Variants in MCF2L2 observed in about 807,000 individuals in gnomAD.
The protein encoded by MCF2L2 is probable guanine nucleotide exchange factor MCF2L2.
Under a neutral mutation model 150.2 loss-of-function variants are expected in MCF2L2, and 102 were observed. That is an observed-to-expected ratio of 0.68 (90% confidence interval 0.58 to 0.80). The LOEUF (loss-of-function observed/expected upper bound fraction) is 0.80. MCF2L2 is among the 30% of genes least tolerant of loss of function. The pLI is 0.00. For missense variants in MCF2L2, 1,256 were observed against 1,372.8 expected, an observed-to-expected ratio of 0.91 and a Z score of 1.34; for synonymous variants, 465 against 491.3, an observed-to-expected ratio of 0.95 and a Z score of 0.71.
chr3:183,252,511 TTG>T lies in MCF2L2; in HGVS notation c.1863-21496_1863-21495del, dbSNP rs555051453. Among the ~76,000 whole-genome samples the T allele has an allele frequency of 2.8e-4, 42 of 152,294 alleles. No homozygotes were observed. The South Asian group carries it at 3.5e-3, about 13-fold the overall frequency. On this transcript the variant is annotated intron_variant, in intron 15 of 29. Coordinates refer to ENST00000328913, the MANE Select transcript of MCF2L2 (RefSeq NM_015078.4). Reference sequence around the variant, plus strand: ...GTTTGAATGAACAACAGTTTTCATTTTGTGTGTGTGTTTTTTCTTTTAGAGAT... The same window carrying T: ...GTTTGAATGAACAACAGTTTTCATTTTGTGTGTGTTTTTTCTTTTAGAGAT...
intron 1 of MCF2L2, among the ~76,000 whole-genome samples, chr3:183,415,941 T>G (rs1318836966): frequency 1.3e-5 from 2 of 152,294 alleles, no homozygotes; most frequent in Non-Finnish European, 2.9e-5. Context: ...ATATCTCATA[T>G]TTTTTCATTT....
chr3:183,314,334 C>T (rs9863083), intron 7 of MCF2L2, among the ~76,000 whole-genome samples: 3,533 of 152,156 alleles, frequency 0.023, 136 homozygotes, highest in African/African-American at 0.08. Context: ...AAGTTTGATA[C>T]GATTGTTCCA....
chr3:183,180,178 A>G lies in MCF2L2; in HGVS notation c.3017-19T>C. ...GAGCAGCCTTAGGGAGAGAAAGGGA[A>G]GGATGGGGCCTCTGTGGGGTGGGAG... On this transcript the variant is annotated intron_variant, in intron 27 of 29. Transcript: ENST00000328913. The G allele has an allele frequency of 6.5e-7, 1 of 1,540,798 alleles. No homozygotes were observed. The highest frequency in any genetic ancestry group is 9.0e-7 in the Non-Finnish European group (1 of 1,114,190).
intron 1 of MCF2L2, among the ~76,000 whole-genome samples, chr3:183,423,632 GTTTTTTTTTTT>G (rs34400256): frequency 1.1e-5 from 1 of 92,040 alleles, no homozygotes; most frequent in Non-Finnish European, 2.1e-5. Context: ...AATTTTATTT[GTTTTTTTTTTT>G]TTTTTTTTTT....
intron 3 of MCF2L2, among the ~76,000 whole-genome samples, chr3:183,357,557 T>A (rs1711860931): frequency 6.6e-6 from 1 of 152,174 alleles, no homozygotes; most frequent in Non-Finnish European, 1.5e-5. Flanking sequence ...CCTGACTTCA[T>A]GTAACAACTT....
chr3:183,402,649 TA>T (rs1219234622), intron 1 of MCF2L2, among the ~76,000 whole-genome samples: 1 of 151,370 alleles, frequency 6.6e-6, no homozygotes, highest in Non-Finnish European at 1.5e-5. Flanking sequence ...AAAAGGTTTT[TA>T]AAAAAACAAA....
In MCF2L2 at chr3:183,179,389, C is replaced by G. The variant is rs1446134538; in HGVS notation, c.3336G>C (p.Gln1112His). The change falls in exon 30 of 30, where the codon CAG (glutamine) becomes CAC (histidine). Residue 1112 changes from glutamine (Q) to histidine (H), a missense_variant. By Grantham distance (24) the Gln-to-His change is conservative. Coordinates refer to ENST00000328913, the MANE Select transcript of MCF2L2 (RefSeq NM_015078.4). This position sits in a 1 kb window ranked among gnomAD's most constrained non-coding sequence, Gnocchi z 4.2. ...ARALRPRTSA[Q>H]ES The stretch of plus-strand genomic sequence containing the variant: ...GGCGTCCGCAGGGAGGTCAGCTCTC[C>G]TGGGCGGAGGTCCTCGGGCGCAGCG... 5 of 1,543,026 alleles carry G rather than the reference C, an allele frequency of 3.2e-6. No individual in the cohort carries two copies. The highest frequency in any genetic ancestry group is 4.4e-6 in the Non-Finnish European group (5 of 1,144,392).
At chr3:183,203,141 A>T (rs975403615) in intron 25 of MCF2L2, among the ~76,000 whole-genome samples, 1 of 152,124 alleles carries the variant, frequency 6.6e-6, no homozygotes, top group East Asian at 1.9e-4. Context: ...TGAACCCAGG[A>T]GGCGGAGGTT....
In MCF2L2 at chr3:183,192,982, C is replaced by T. The variant is rs758247321; in HGVS notation, c.3016+17G>A. On this transcript the variant is annotated intron_variant, in intron 27 of 29. Coordinates refer to ENST00000328913, the MANE Select transcript of MCF2L2 (RefSeq NM_015078.4). ...CCACTGCTTCTGTGCTCCACTCTCC[C>T]ATGGGACCCTCCCTACCTTTAATCC... 9 of 1,604,380 alleles carry T rather than the reference C, an allele frequency of 5.6e-6. No homozygotes were observed. Among genetic ancestry groups the T allele is most frequent in the Non-Finnish European group, 7.7e-6 (9 of 1,171,440 alleles).
chr3:183,258,031 C>G (rs1447275464), intron 15 of MCF2L2, among the ~76,000 whole-genome samples: 2 of 134,608 alleles, frequency 1.5e-5, no homozygotes, highest in Admixed American at 8.3e-5. Context: ...GCAATGGTGC[C>G]ATCTCGGCTC....
intron 27 of MCF2L2, among the ~76,000 whole-genome samples, chr3:183,183,233 C>G (rs544865664): frequency 6.6e-6 from 1 of 152,202 alleles, no homozygotes; most frequent in Non-Finnish European, 1.5e-5. Flanking sequence ...CTGAGCTCAA[C>G]TGATCTGCCC....
At chr3:183,214,751 C>T (rs1027522024) in intron 22 of MCF2L2, among the ~76,000 whole-genome samples, 1 of 150,892 alleles carries the variant, frequency 6.6e-6, no homozygotes, top group Non-Finnish European at 1.5e-5. Flanking sequence ...CTTTGGGAGG[C>T]GGAGATGGGT....
chr3:183,368,528 C>T (rs1712673132), intron 3 of MCF2L2, among the ~76,000 whole-genome samples: 1 of 152,104 alleles, frequency 6.6e-6, no homozygotes, highest in Admixed American at 6.5e-5. Flanking sequence ...CTTTGGGAGG[C>T]CGAGGCGGGC....
chr3:183,305,508 A>C lies in MCF2L2; in HGVS notation c.1113+4208T>G, dbSNP rs994670389. 6.6e-6 allele frequency among the ~76,000 whole-genome samples: 1 copy of C among 152,130 alleles called. No individual in the cohort carries two copies. The highest frequency in any genetic ancestry group is 6.5e-5 in the Admixed American group (1 of 15,272). ...AGAAGACATTTGAGATGTTAGAGGGAAGATGTGTGTAACAGGTCCAAATGG... is the reference window on the plus strand; with the variant it reads ...AGAAGACATTTGAGATGTTAGAGGGCAGATGTGTGTAACAGGTCCAAATGG... On this transcript the variant is annotated intron_variant, in intron 10 of 29. Coordinates refer to ENST00000328913, the MANE Select transcript of MCF2L2 (RefSeq NM_015078.4). This position sits in a 1 kb window ranked among gnomAD's most constrained non-coding sequence, Gnocchi z 4.1.
rs1729052382 is a variant in MCF2L2 at position 183,305,503 on chromosome 3, G to A, written c.1113+4213C>T. Among the ~76,000 whole-genome samples, 1 of 152,192 alleles carries A rather than the reference G, an allele frequency of 6.6e-6. No homozygotes were observed. The highest frequency in any genetic ancestry group is 1.9e-4 in the East Asian group (1 of 5,196). On this transcript the variant is annotated intron_variant, in intron 10 of 29. Coordinates refer to ENST00000328913, the MANE Select transcript of MCF2L2 (RefSeq NM_015078.4). This position sits in a 1 kb window ranked among gnomAD's most constrained non-coding sequence, Gnocchi z 4.1. ...TTTCCAGAAGACATTTGAGATGTTA[G>A]AGGGAAGATGTGTGTAACAGGTCCA...
chr3:183,264,329 C>T (rs947299818), intron 15 of MCF2L2, among the ~76,000 whole-genome samples: 8 of 152,190 alleles, frequency 5.3e-5, no homozygotes, highest in East Asian at 3.8e-4. Context: ...CAACCCCCAC[C>T]GATTTCTCTA....
intron 14 of MCF2L2, among the ~76,000 whole-genome samples, chr3:183,285,667 T>A (rs894596688): frequency 6.6e-6 from 1 of 152,234 alleles, no homozygotes; most frequent in South Asian, 2.1e-4. Context: ...TTATTTATTT[T>A]TTTAATTTAG....
chr3:183,426,326 G>C (rs151334632), intron 1 of MCF2L2, among the ~76,000 whole-genome samples: 1 of 152,274 alleles, frequency 6.6e-6, no homozygotes, highest in African/African-American at 2.4e-5. Context: ...TCAACCCCTC[G>C]TTTAACAGAT....
intron 3 of MCF2L2, chr3:183,374,024 G>A (rs1211062163): frequency 6.6e-6 from 1 of 152,530 alleles, no homozygotes; most frequent in Non-Finnish European, 1.5e-5. Context: ...CAGTTCTCAT[G>A]CCATCATCCC....
Sources: gnomAD v4.1 joint callset for allele counts (sites outside exome capture counted in the v4.1 genomes callset) on GRCh38, gnomAD v4.1.1 for gene constraint, Gnocchi (gnomAD v3.1) non-coding constraint, MANE v1.5 for transcripts, NCBI Gene and HGNC (gene_info 2026-07-23, HGNC 2026-07-21) for gene names.